The following YAP1 variants were observed in gnomAD, a reference collection of about 807,000 sequenced individuals.
The protein encoded by YAP1 is Yes1 associated transcriptional regulator.
In YAP1, 5 loss-of-function variants were observed where a neutral mutation model predicts 56.9. That is an observed-to-expected ratio of 0.09 (90% CI 0.05 to 0.18). The LOEUF is 0.18. Among genes scored for constraint, YAP1 ranks in the 10% least tolerant of loss-of-function variants. The pLI is 1.00. For missense variants in YAP1, 539 were observed against 651.8 expected, an observed-to-expected ratio of 0.83 and a Z score of 1.88; for synonymous variants, 265 against 248.1, an observed-to-expected ratio of 1.07 and a Z score of -0.64.
At chr11:102,202,298 G>A (rs996398302) in intron 4 of YAP1, among the ~76,000 whole-genome samples, 1 of 150,588 alleles carries the variant, frequency 6.6e-6, no homozygotes, top group Non-Finnish European at 1.5e-5. Context: ...TGAGTAGCTG[G>A]TAGGTACTAC....
At chr11:102,143,625 A>G (rs1945148069) in intron 2 of YAP1, among the ~76,000 whole-genome samples, 1 of 152,206 alleles carries the variant, frequency 6.6e-6, no homozygotes, top group African/African-American at 2.4e-5. Context: ...AGGGCCATAT[A>G]TATGTTCCCC....
In YAP1 at chr11:102,112,082, G is replaced by C. The variant is rs143932689; in HGVS notation, c.321+913G>C. 4.8e-4 allele frequency among the ~76,000 whole-genome samples: 73 copies of C among 152,296 alleles called. 1 individual carries two copies. The highest frequency in any genetic ancestry group is 1.7e-3 in the African/African-American group (71 of 41,556). Reference sequence around the variant, plus strand: ...GCTTTTGAATTAGCCACATCTGTACGTTGCGCAGGAACTGAGTTGCGCTTT... The same window carrying C: ...GCTTTTGAATTAGCCACATCTGTACCTTGCGCAGGAACTGAGTTGCGCTTT... On this transcript the variant is annotated intron_variant, in intron 1 of 8. Transcript: ENST00000282441.
intron 6 of YAP1, among the ~76,000 whole-genome samples, chr11:102,217,193 T>G (rs1315155638): frequency 6.6e-6 from 1 of 152,182 alleles, no homozygotes; most frequent in Non-Finnish European, 1.5e-5. Flanking sequence ...AGCAATATAA[T>G]TTCCCAGAAG....
intron 5 of YAP1, among the ~76,000 whole-genome samples, chr11:102,208,894 G>A (rs1208755568): frequency 6.6e-6 from 1 of 152,118 alleles, no homozygotes; most frequent in Non-Finnish European, 1.5e-5. Context: ...GGGTTTTTTG[G>A]TGGGCAAATG....
intron 3 of YAP1, among the ~76,000 whole-genome samples, chr11:102,181,138 C>T (rs377581947): frequency 1.3e-5 from 2 of 151,404 alleles, no homozygotes; most frequent in Non-Finnish European, 2.9e-5. Context: ...CAGAATGAGA[C>T]CCTGCCTCAA....
intron 2 of YAP1, among the ~76,000 whole-genome samples, chr11:102,122,451 G>A (rs927867045): frequency 2.0e-5 from 3 of 152,038 alleles, no homozygotes; most frequent in Non-Finnish European, 2.9e-5. Flanking sequence ...GAAAGAAAAC[G>A]GAAGGAAGCA....
intron 3 of YAP1, among the ~76,000 whole-genome samples, chr11:102,183,758 A>G (rs1947777421): frequency 6.9e-6 from 1 of 144,646 alleles, no homozygotes; most frequent in African/African-American, 2.6e-5. Context: ...CATATATGAA[A>G]CCCATATATT....
intron 2 of YAP1, among the ~76,000 whole-genome samples, chr11:102,143,837 A>G (rs1210571678): frequency 6.6e-6 from 1 of 152,266 alleles, no homozygotes; most frequent in African/African-American, 2.4e-5. Flanking sequence ...TGAAAACAGT[A>G]GCAAATTCAA....
intron 3 of YAP1, among the ~76,000 whole-genome samples, chr11:102,183,998 A>G (rs1430637658): frequency 6.8e-6 from 1 of 146,178 alleles, no homozygotes; most frequent in African/African-American, 2.5e-5. Context: ...AATGGCGTGA[A>G]CCCGGGAGGC....
At chr11:102,229,156 C>T (rs1311507093) in intron 8 of YAP1, among the ~76,000 whole-genome samples, 1 of 152,176 alleles carries the variant, frequency 6.6e-6, no homozygotes, top group Admixed American at 6.5e-5. Flanking sequence ...TTTGGGAAAC[C>T]TAGAAGCAAG....
At chr11:102,198,674 A>G (rs977859726) in intron 4 of YAP1, among the ~76,000 whole-genome samples, 2 of 151,974 alleles carry the variant, frequency 1.3e-5, no homozygotes, top group African/African-American at 2.4e-5. Flanking sequence ...CTTTTCCCCA[A>G]TAGTTGTTTG....
Position 102,133,280 on chromosome 11 carries a change from A to T in YAP1, c.572+18886A>T, listed in dbSNP as rs541102937. On this transcript the variant is annotated intron_variant, in intron 2 of 8. Coordinates refer to ENST00000282441, the MANE Select transcript of YAP1 (RefSeq NM_001130145.3). ...CTAGGATTTTAAGTTTATTAATAAA[A>T]CTCTTGTGGCACACAGAATTTTTGG... Among the ~76,000 whole-genome samples, 9 of 152,214 alleles carry T rather than the reference A, an allele frequency of 5.9e-5. No homozygotes were observed. In the East Asian group the frequency reaches 1.7e-3, roughly 29 times the overall value.
chr11:102,154,513 TACAG>T (rs1261756319), intron 2 of YAP1, among the ~76,000 whole-genome samples: 6 of 152,188 alleles, frequency 3.9e-5, no homozygotes, highest in South Asian at 2.1e-4. Context: ...TATACATACA[TACAG>T]AGAAAAACAC....
intron 2 of YAP1, among the ~76,000 whole-genome samples, chr11:102,120,417 G>A (rs1045184911): frequency 6.6e-6 from 1 of 152,192 alleles, no homozygotes; most frequent in Non-Finnish European, 1.5e-5. Context: ...TTTGAATGAT[G>A]TTGCAAATTA....
At chr11:102,221,822 GCAA>G (rs1423925031) in intron 6 of YAP1, among the ~76,000 whole-genome samples, 1 of 151,966 alleles carries the variant, frequency 6.6e-6, no homozygotes, top group African/African-American at 2.4e-5. Context: ...TAAAATATTT[GCAA>G]CAACTACAAT....
chr11:102,205,907 A>G lies in YAP1; in HGVS notation c.817A>G (p.Ile273Val), dbSNP rs373008928. Residue 273 changes from isoleucine (I) to valine (V), a missense_variant, in exon 5 of 9, where the codon ATC (isoleucine) becomes GTC (valine). Around this residue, in one of 4 missense-constraint regions of YAP1, gnomAD observed 414 missense variants for 512.4 expected, o/e 0.81. Transcript: ENST00000282441. ...LDPRFAMNQR[I>V]SQSAPVKQPP... is the part of the protein sequence containing the mutation. ...TTTCATTTCAGCCATGAACCAGAGA[A>G]TCAGTCAGAGTGCTCCAGTGAAACA... The G allele has an allele frequency of 1.3e-5, 20 of 1,544,112 alleles. No individual in the cohort carries two copies. Among genetic ancestry groups the G allele is most frequent in the East Asian group, 2.3e-5 (1 of 42,780 alleles).
chr11:102,212,300 A>G (rs567876785), intron 6 of YAP1, among the ~76,000 whole-genome samples: 1 of 152,316 alleles, frequency 6.6e-6, no homozygotes, highest in African/African-American at 2.4e-5. Flanking sequence ...TTACTACAGA[A>G]GCTGTCTTTA....
intron 3 of YAP1, among the ~76,000 whole-genome samples, chr11:102,178,170 GT>G (rs1294299294): frequency 1.3e-5 from 2 of 152,192 alleles, no homozygotes; most frequent in Non-Finnish European, 2.9e-5. Context: ...AGTAAGAACA[GT>G]TTGTGAATCA....
At chr11:102,217,747 A>G (rs1170761859) in intron 6 of YAP1, among the ~76,000 whole-genome samples, 3 of 151,958 alleles carry the variant, frequency 2.0e-5, no homozygotes, top group South Asian at 4.2e-4. Context: ...TTGGAGTGCA[A>G]TGGCGCAATC....
Sources: gnomAD v4.1 joint callset for allele counts (sites outside exome capture counted in the v4.1 genomes callset) on GRCh38, gnomAD v4.1.1 for gene constraint, gnomAD v4.1.1 regional missense constraint, MANE v1.5 for transcripts, NCBI Gene and HGNC (gene_info 2026-07-23, HGNC 2026-07-21) for gene names.